The following CFAP20DC variants were observed in gnomAD, a reference collection of about 807,000 sequenced individuals.
The protein encoded by CFAP20DC is protein CFAP20DC.
Under a neutral mutation model 101.7 loss-of-function variants are expected in CFAP20DC, and 84 were observed. That is an observed-to-expected ratio of 0.83 (90% CI 0.69 to 0.99). CFAP20DC has a LOEUF of 0.99. CFAP20DC is among the 50% of genes least tolerant of loss of function. CFAP20DC has a pLI of 0.00. For synonymous variants in CFAP20DC, 359 were observed against 351.2 expected (o/e 1.02, Z -0.25); for missense variants, 1,007 against 970.3 (o/e 1.04, Z -0.50).
chr3:59,032,455 A>G (rs1021516878), intron 4 of CFAP20DC, among the ~76,000 whole-genome samples: 2 of 152,188 alleles, frequency 1.3e-5, no homozygotes, highest in African/African-American at 4.8e-5. Flanking sequence ...CTGGCTTGAA[A>G]TTCTCGCTGC....
intron 15 of CFAP20DC, among the ~76,000 whole-genome samples, chr3:58,765,490 C>CA (rs1337049385): frequency 0.085 from 6,923 of 81,466 alleles, 162 homozygotes; most frequent in African/African-American, 0.12. Context: ...AAAAAAAAAC[C>CA]AAAAAAAAAA....
At chr3:59,004,848 G>C (rs368443585) in intron 4 of CFAP20DC, among the ~76,000 whole-genome samples, 1 of 152,132 alleles carries the variant, frequency 6.6e-6, no homozygotes, top group Non-Finnish European at 1.5e-5. Context: ...CCACATTAGT[G>C]GATACCAACC....
chr3:58,777,972 T>A (rs895438938), intron 15 of CFAP20DC, among the ~76,000 whole-genome samples: 3 of 152,190 alleles, frequency 2.0e-5, no homozygotes, highest in Non-Finnish European at 4.4e-5. Context: ...CCACTGGGGC[T>A]GAGGTGGAAG....
At chr3:58,906,950 T>G (rs1324718108) in intron 6 of CFAP20DC, among the ~76,000 whole-genome samples, 1 of 152,064 alleles carries the variant, frequency 6.6e-6, no homozygotes, top group Non-Finnish European at 1.5e-5. Context: ...AAAAACAAGA[T>G]GCAGTCTGGA....
At chr3:58,904,216 G>A (rs528823358) in intron 6 of CFAP20DC, among the ~76,000 whole-genome samples, 4 of 152,100 alleles carry the variant, frequency 2.6e-5, no homozygotes, top group East Asian at 3.9e-4. Flanking sequence ...TTCCTAGGTA[G>A]TTAACTATTT....
intron 4 of CFAP20DC, among the ~76,000 whole-genome samples, chr3:58,955,752 G>C (rs2090570586): frequency 6.6e-6 from 1 of 151,694 alleles, no homozygotes; most frequent in Non-Finnish European, 1.5e-5. Flanking sequence ...GGGCATGCTG[G>C]TATCACTCCT....
intron 6 of CFAP20DC, among the ~76,000 whole-genome samples, chr3:58,911,255 T>C (rs944006481): frequency 3.9e-5 from 6 of 152,240 alleles, no homozygotes; most frequent in Admixed American, 1.3e-4. Context: ...ATCCATTCAA[T>C]AGCATACTAT....
At position 58,929,886 on chromosome 3, in the gene CFAP20DC, A is replaced by G. The variant is rs1342754988; in HGVS notation, c.393+7762T>C. Reference sequence around the variant, plus strand: ...CCACGCTCCCTAAATACTTTCCAATATCAACTGTTCTCCCTTGTTGGAACC... The same window carrying G: ...CCACGCTCCCTAAATACTTTCCAATGTCAACTGTTCTCCCTTGTTGGAACC... On this transcript the variant is annotated intron_variant, in intron 5 of 16. Transcript: ENST00000482387. 2.0e-5 allele frequency among the ~76,000 whole-genome samples: 3 copies of G among 152,084 alleles called. No homozygotes were observed. In the East Asian group the frequency reaches 5.8e-4, roughly 29 times the overall value.
intron 15 of CFAP20DC, among the ~76,000 whole-genome samples, chr3:58,771,739 C>T (rs2070866713): frequency 6.6e-6 from 1 of 152,154 alleles, no homozygotes; most frequent in Non-Finnish European, 1.5e-5. Context: ...ACAAATCTTA[C>T]TAAAACAATC....
chr3:58,947,887 G>A (rs951703387), intron 4 of CFAP20DC, among the ~76,000 whole-genome samples: 2 of 152,198 alleles, frequency 1.3e-5, no homozygotes, highest in African/African-American at 4.8e-5. Context: ...TGGGACTTCT[G>A]AAGACATGTA....
rs149262942 is a variant in CFAP20DC, at chr3:59,042,081, G to A, written c.206-2452C>T. The stretch of plus-strand genomic sequence containing the variant: ...CTTGCAGGAGAAGAGGATGATTAGT[G>A]AAGCTTTTCTTGAAGGACAAGCATT... On this transcript the variant is annotated intron_variant, in intron 3 of 16. Coordinates refer to ENST00000482387, the MANE Select transcript of CFAP20DC (RefSeq NM_001394063.1). Among the ~76,000 whole-genome samples, 420 of 152,166 alleles carry A rather than the reference G, an allele frequency of 2.8e-3. 1 individual carries two copies. Among genetic ancestry groups the A allele is most frequent in the African/African-American group, 9.8e-3 (407 of 41,520 alleles).
chr3:58,863,128 G>C lies in CFAP20DC; in HGVS notation c.1593+430C>G. 9.5e-7 allele frequency: 1 copy of C among 1,047,572 alleles called. No homozygotes were observed. Among genetic ancestry groups the C allele is most frequent in the Non-Finnish European group, 1.1e-6 (1 of 871,318 alleles). The allele number at this position is 1,047,572 out of a possible 1,614,324, so 64.9% of individuals were successfully genotyped here. ...AAATAATGAGTCCTAATAGGTCTAA[G>C]GTGAAAAGATGGCAGGGGAGTAAGG... On this transcript the variant is annotated intron_variant, in intron 12 of 16. Coordinates refer to ENST00000482387, the MANE Select transcript of CFAP20DC (RefSeq NM_001394063.1). This position sits in a 1 kb window ranked among gnomAD's most constrained non-coding sequence, Gnocchi z 5.9.
chr3:58,734,714 T>C (rs957308907), intron 3 of CFAP20DC, among the ~76,000 whole-genome samples: 7 of 152,200 alleles, frequency 4.6e-5, no homozygotes, highest in African/African-American at 1.7e-4. Context: ...CCATTCTTCC[T>C]TTCCCTTTCC....
chr3:58,846,834 AG>A (rs1381631252), intron 13 of CFAP20DC, among the ~76,000 whole-genome samples: 1 of 148,554 alleles, frequency 6.7e-6, no homozygotes, highest in East Asian at 2.0e-4. Flanking sequence ...TCAATGGAAC[AG>A]AACAGAGCCC....
In CFAP20DC at chr3:58,732,672, TA is replaced by T. The variant is rs1211844532; in HGVS notation, c.198-15045del. On this transcript the variant is annotated intron_variant, in intron 3 of 3. Coordinates refer to the CFAP20DC transcript ENST00000486145. The surrounding 1 kb of genome is among the most constrained non-coding windows in gnomAD (Gnocchi z 5.4). ...AAACTGCTTCTCACTCTAATGGGTT[TA>T]TAACACCCAACGTGGCACGAAAGCC... 6.6e-6 allele frequency among the ~76,000 whole-genome samples: 1 copy of T among 152,212 alleles called. No individual in the cohort carries two copies. Among genetic ancestry groups the T allele is most frequent in the Non-Finnish European group, 1.5e-5 (1 of 68,042 alleles).
intron 4 of CFAP20DC, among the ~76,000 whole-genome samples, chr3:58,953,095 A>G (rs2090298775): frequency 6.6e-6 from 1 of 152,176 alleles, no homozygotes; most frequent in African/African-American, 2.4e-5. Context: ...GTATTATTTT[A>G]GAAAGGGTAG....
intron 4 of CFAP20DC, among the ~76,000 whole-genome samples, chr3:58,961,363 G>C (rs1426323986): frequency 6.6e-6 from 1 of 152,116 alleles, no homozygotes; most frequent in Non-Finnish European, 1.5e-5. Flanking sequence ...AGACAAGCCT[G>C]GCCAACATGG....
In CFAP20DC at chr3:58,971,938, TA is replaced by T. The variant is rs2091974805; in HGVS notation, c.279-34177del. 6.6e-6 allele frequency among the ~76,000 whole-genome samples: 1 copy of T among 151,876 alleles called. No individual in the cohort carries two copies. Among genetic ancestry groups the T allele is most frequent in the Non-Finnish European group, 1.5e-5 (1 of 67,970 alleles). ...CCCAAAAAATCCTGCTAAAAACAAT[TA>T]CCTTTGGAAAATGACTCCAAACTTT... On this transcript the variant is annotated intron_variant, in intron 4 of 16. Transcript: ENST00000482387. This position sits in a 1 kb window ranked among gnomAD's most constrained non-coding sequence, Gnocchi z 4.1.
chr3:59,000,705 T>C (rs1029993272), intron 4 of CFAP20DC, among the ~76,000 whole-genome samples: 10 of 152,140 alleles, frequency 6.6e-5, no homozygotes, highest in South Asian at 6.2e-4. Flanking sequence ...TGGGTGGCAA[T>C]TGGAGGGCAT....
Sources: gnomAD v4.1 joint callset for allele counts (sites outside exome capture counted in the v4.1 genomes callset) on GRCh38, gnomAD v4.1.1 for gene constraint, Gnocchi (gnomAD v3.1) non-coding constraint, MANE v1.5 for transcripts, NCBI Gene and HGNC (gene_info 2026-07-23, HGNC 2026-07-21) for gene names.